CACNA1I: variants seen among roughly 807,000 people sequenced by gnomAD.
CACNA1I encodes the protein calcium voltage-gated channel subunit alpha1 I, also known as voltage-dependent T-type calcium channel subunit alpha-1I.
CACNA1I carries 74 observed loss-of-function variants against 201.6 expected under a neutral mutation model. That is an observed-to-expected ratio of 0.37 (90% CI 0.30 to 0.45). The LOEUF (loss-of-function observed/expected upper bound fraction) is 0.45. Ranked by LOEUF, CACNA1I falls within the 20% of genes least tolerant of loss-of-function variation. CACNA1I has a pLI of 1.00. For synonymous variants in CACNA1I, 1,431 were observed against 1,345.2 expected (o/e 1.06, Z -1.40); for missense variants, 2,346 against 3,138.1 (o/e 0.75, Z 6.03).
At chr22:39,585,379 T>TTTC (rs1171954032) in intron 1 of CACNA1I, among the ~76,000 whole-genome samples, 2 of 98,240 alleles carry the variant, frequency 2.0e-5, no homozygotes, top group African/African-American at 7.3e-5. Flanking sequence ...TCTTTCTTTC[T>TTTC]TTCTTTCTTT....
At position 39,684,384 on chromosome 22, in the gene CACNA1I, C is replaced by T; in HGVS notation, c.5913C>T (p.Ala1971=). 6.2e-7 allele frequency: 1 copy of T among 1,613,632 alleles called. No homozygotes were observed. Among genetic ancestry groups the T allele is most frequent in the Non-Finnish European group, 8.5e-7 (1 of 1,179,832 alleles). ...PAEFFHPAVS[A]SQKGPEKGTG... ...AGTTCTTCCACCCTGCAGTGTCTGC[C>T]AGCCAGAAAGGCCCAGAAAAGGGCA... Residue 1971 remains alanine, a synonymous_variant, in exon 36 of 37, where the codon GCC becomes GCT. Coordinates refer to ENST00000402142, the MANE Select transcript of CACNA1I (RefSeq NM_021096.4). The surrounding 1 kb of genome is among the most constrained non-coding windows in gnomAD (Gnocchi z 4.6).
intron 1 of CACNA1I, among the ~76,000 whole-genome samples, chr22:39,585,727 G>GCTT (rs1932730672): frequency 1.2e-5 from 1 of 83,904 alleles, no homozygotes; most frequent in Non-Finnish European, 2.0e-5. Flanking sequence ...AACTTTTAAA[G>GCTT]TTTTTTTTTT....
At chr22:39,673,743 TAC>T (rs1460729608) in intron 28 of CACNA1I, among the ~76,000 whole-genome samples, 1 of 152,244 alleles carries the variant, frequency 6.6e-6, no homozygotes, top group Non-Finnish European at 1.5e-5. Context: ...GGGGCTTTTC[TAC>T]AGTGACACCC....
At chr22:39,660,520 C>A (rs1934972987) in intron 15 of CACNA1I, 83 bp downstream of exon 15, 3 of 831,538 alleles carry the variant, frequency 3.6e-6, no homozygotes. Flanking sequence ...GCGTCTGACT[C>A]CACCTCAAGC....
intron 2 of CACNA1I, among the ~76,000 whole-genome samples, chr22:39,599,267 T>C (rs376334028): frequency 1.3e-5 from 2 of 148,950 alleles, no homozygotes; most frequent in Non-Finnish European, 1.5e-5. Flanking sequence ...TGGGTTTCTA[T>C]AGGACTCAGT....
At chr22:39,582,582 T>A (rs1055676168) in intron 1 of CACNA1I, among the ~76,000 whole-genome samples, 3 of 151,982 alleles carry the variant, frequency 2.0e-5, no homozygotes, top group Non-Finnish European at 4.4e-5. Context: ...GTCGAGGGCC[T>A]TGGAGGGAGG....
In CACNA1I at chr22:39,570,841, G is replaced by C; in HGVS notation, c.89G>C (p.Ser30Thr). ...ACCACGGAGCAGCCCGGACCCCGGAGCCCCCCATCCTCCCCGCCAGGCCTG... is the reference window on the plus strand; with the variant it reads ...ACCACGGAGCAGCCCGGACCCCGGACCCCCCCATCCTCCCCGCCAGGCCTG... Reference protein sequence around the residue: ...GVTTEQPGPRSPPSSPPGLEE... With the variant: ...GVTTEQPGPRTPPSSPPGLEE... The change falls in exon 1 of 37, where the codon AGC (serine) becomes ACC (threonine). Residue 30 changes from serine (S) to threonine (T), a missense_variant. Ser to Thr is a moderately conservative substitution (Grantham distance 58). Coordinates refer to ENST00000402142, the MANE Select transcript of CACNA1I (RefSeq NM_021096.4). 6.2e-7 allele frequency: 1 copy of C among 1,613,520 alleles called. No homozygotes were observed. Among genetic ancestry groups the C allele is most frequent in the South Asian group, 1.1e-5 (1 of 91,078 alleles).
intron 3 of CACNA1I, among the ~76,000 whole-genome samples, chr22:39,604,754 T>C (rs1933161104): frequency 6.6e-6 from 1 of 151,950 alleles, no homozygotes; most frequent in Admixed American, 6.6e-5. Flanking sequence ...ATTTTTTTTT[T>C]TTTTACTTTT....
Position 39,646,558 on chromosome 22 carries a change from G to A in CACNA1I, c.1150-11G>A, listed in dbSNP as rs569068290. Reference sequence around the variant, plus strand: ...GTCCCTGTCCCTGTCCTCTCCTCCCGTTGGTCACAGGTGGGCTCCTTCTTC... The same window carrying A: ...GTCCCTGTCCCTGTCCTCTCCTCCCATTGGTCACAGGTGGGCTCCTTCTTC... On this transcript the variant is annotated splice_polypyrimidine_tract_variant and intron_variant, in intron 7 of 36. Transcript: ENST00000402142. 126 of 1,532,558 alleles carry A rather than the reference G, an allele frequency of 8.2e-5. No homozygotes were observed. The highest frequency in any genetic ancestry group is 4.4e-4 in the South Asian group (35 of 79,556). 94.9% of individuals were successfully genotyped at this position (1,532,558 alleles called of 1,614,324 possible).
Position 39,652,304 on chromosome 22 carries a change from C to A in CACNA1I, c.1992+2379C>A, listed in dbSNP as rs1414590956. ...AGCCACCGTGCCCAGCCAGGTGGAG[C>A]CTCTTCTGGGAGCAGCAGGCTTCAC... On this transcript the variant is annotated intron_variant, in intron 10 of 36. Transcript: ENST00000402142. Among the ~76,000 whole-genome samples, 7 of 152,294 alleles carry A rather than the reference C, an allele frequency of 4.6e-5. No individual in the cohort carries two copies. The East Asian group carries it at 1.2e-3, about 25-fold the overall frequency.
chr22:39,619,727 A>C (rs910693041), intron 4 of CACNA1I, among the ~76,000 whole-genome samples: 1 of 152,172 alleles, frequency 6.6e-6, no homozygotes, highest in Admixed American at 6.5e-5. Flanking sequence ...TAGGATGTCA[A>C]GGCAAGCACC....
At chr22:39,660,950 A>G (rs1210246635) in intron 15 of CACNA1I, among the ~76,000 whole-genome samples, 158 bp from the exon 16 acceptor site, 1 of 152,096 alleles carries the variant, frequency 6.6e-6, no homozygotes, top group Non-Finnish European at 1.5e-5. Flanking sequence ...AGGCACTGTG[A>G]TGGGGTGCAA....
chr22:39,665,723 G>T lies in CACNA1I; in HGVS notation c.3978+99G>T. ...GAGACTCCACATTCCAACCTCATGCGCCTTGCCAGCTGTGGGCTTCTCCTC... is the reference window on the plus strand; with the variant it reads ...GAGACTCCACATTCCAACCTCATGCTCCTTGCCAGCTGTGGGCTTCTCCTC... On this transcript the variant is annotated intron_variant, in intron 22 of 36. Coordinates refer to ENST00000402142, the MANE Select transcript of CACNA1I (RefSeq NM_021096.4). The surrounding 1 kb of genome is among the most constrained non-coding windows in gnomAD (Gnocchi z 5.5). The T allele has an allele frequency of 6.5e-7, 1 of 1,548,588 alleles. No individual in the cohort carries two copies. Among genetic ancestry groups the T allele is most frequent in the Non-Finnish European group, 8.8e-7 (1 of 1,134,428 alleles).
rs377571732 is a variant in CACNA1I, at chr22:39,681,378, G to A, written c.5664+326G>A. On this transcript the variant is annotated intron_variant, in intron 34 of 36. Coordinates refer to ENST00000402142, the MANE Select transcript of CACNA1I (RefSeq NM_021096.4). ...GGGGCTGTGAGGCTGAAGCGAACGGGGGAGTCATGTCAGGCACAAGCACCT... is the reference window on the plus strand; with the variant it reads ...GGGGCTGTGAGGCTGAAGCGAACGGAGGAGTCATGTCAGGCACAAGCACCT... Among the ~76,000 whole-genome samples, 157 of 152,338 alleles carry A rather than the reference G, an allele frequency of 1.0e-3. 1 individual carries two copies. The highest frequency in any genetic ancestry group is 1.4e-3 in the Non-Finnish European group (95 of 68,038).
chr22:39,630,757 C>T (rs974001860), intron 4 of CACNA1I, among the ~76,000 whole-genome samples: 6 of 152,238 alleles, frequency 3.9e-5, no homozygotes, highest in African/African-American at 1.4e-4. Flanking sequence ...TGAGGGATGG[C>T]CCTCCAAGCA....
rs754546185 is a variant in CACNA1I at position 39,673,990 on chromosome 22, G to A, written c.4811G>A (p.Gly1604Glu). The change falls in exon 29 of 37, where the codon GGA becomes GAA. Residue 1604 changes from glycine (G) to glutamate (E), a missense_variant. Gly to Glu is a moderately conservative substitution (Grantham distance 98). Around this residue, in one of 13 missense-constraint regions of CACNA1I, gnomAD observed 228 missense variants for 395.7 expected, o/e 0.58. Coordinates refer to ENST00000402142, the MANE Select transcript of CACNA1I (RefSeq NM_021096.4). Reference sequence around the variant, plus strand: ...CTGAAGCTGTTGAAGATGGCCACAGGAATGCGGGCCCTGCTGGACACGGTG... The same window carrying A: ...CTGAAGCTGTTGAAGATGGCCACAGAAATGCGGGCCCTGCTGGACACGGTG... ...RVLKLLKMAT[G>E]MRALLDTVVQ... is the part of the protein sequence containing the mutation. 1 of 1,613,436 alleles carries A rather than the reference G, an allele frequency of 6.2e-7. No homozygotes were observed. The highest frequency in any genetic ancestry group is 1.1e-5 in the South Asian group (1 of 91,068).
intron 4 of CACNA1I, 119 bp from the exon 5 acceptor site, chr22:39,634,446 A>C: frequency 4.3e-6 from 4 of 920,724 alleles, no homozygotes; most frequent in Non-Finnish European, 5.3e-6. Context: ...GGGAACAGCA[A>C]GGAGCCCCTG....
chr22:39,656,852 C>T (rs1038629826), intron 10 of CACNA1I: 19 of 493,162 alleles, frequency 3.9e-5, no homozygotes, highest in Middle Eastern at 3.3e-4. Flanking sequence ...TTGTGTTGGG[C>T]GTCAAATCAG....
At chr22:39,661,848 G>A in intron 16 of CACNA1I, 117 bp from the exon 17 acceptor site, 4 of 612,938 alleles carry the variant, frequency 6.5e-6, no homozygotes, top group Non-Finnish European at 8.2e-6. Context: ...TCCATCACCC[G>A]CTGGCCAGGT....
Sources: allele counts gnomAD v4.1 joint callset (sites outside exome capture counted in the v4.1 genomes callset), GRCh38; gene constraint gnomAD v4.1.1; regional missense constraint gnomAD v4.1.1; non-coding constraint Gnocchi (gnomAD v3.1); transcripts MANE v1.5; gene names NCBI Gene and HGNC (gene_info 2026-07-23, HGNC 2026-07-21).